Variants in WWTR1 observed in about 807,000 individuals in gnomAD.
The protein encoded by WWTR1 is WW domain containing transcription regulator 1.
WWTR1 carries 13 observed loss-of-function variants against 40.1 expected under a neutral mutation model. The observed-to-expected ratio is 0.32, with a 90% CI of 0.21 to 0.52. The LOEUF (loss-of-function observed/expected upper bound fraction) is 0.52. Ranked by LOEUF, WWTR1 falls within the 20% of genes least tolerant of loss-of-function variation. The probability of loss-of-function intolerance (pLI) is 0.97; values close to 1 mark genes in which losing one functional copy is unlikely to be tolerated. For missense variants in WWTR1, 436 were observed against 523.1 expected (o/e 0.83, Z 1.63); for synonymous variants, 230 against 210.1 (o/e 1.09, Z -0.82).
intron 2 of WWTR1, among the ~76,000 whole-genome samples, chr3:149,586,582 G>A (rs778296086): frequency 3.3e-5 from 5 of 152,172 alleles, no homozygotes; most frequent in East Asian, 1.9e-4. Context: ...CTTTGACTTC[G>A]GCTCCTGACA....
intron 2 of WWTR1, among the ~76,000 whole-genome samples, chr3:149,645,918 T>A (rs1396339584): frequency 1.3e-5 from 2 of 152,186 alleles, no homozygotes; most frequent in Non-Finnish European, 2.9e-5. Flanking sequence ...AGAAATTGGA[T>A]TTTTGTACAG....
chr3:149,554,643 G>A (rs1400786508), intron 3 of WWTR1, among the ~76,000 whole-genome samples: 1 of 151,616 alleles, frequency 6.6e-6, no homozygotes, highest in Non-Finnish European at 1.5e-5. Flanking sequence ...ATCCAGGGAA[G>A]TCTAGGGAAA....
intron 2 of WWTR1, among the ~76,000 whole-genome samples, chr3:149,644,376 A>G (rs1712364159): frequency 6.6e-6 from 1 of 152,132 alleles, no homozygotes; most frequent in African/African-American, 2.4e-5. Context: ...TCCAGTCACT[A>G]CCTGTGCTTC....
At chr3:149,623,562 T>C (rs1263880827) in intron 2 of WWTR1, among the ~76,000 whole-genome samples, 1 of 152,202 alleles carries the variant, frequency 6.6e-6, no homozygotes, top group Non-Finnish European at 1.5e-5. Flanking sequence ...TATGTTGTCT[T>C]TCTTTCTGAT....
intron 2 of WWTR1, among the ~76,000 whole-genome samples, chr3:149,590,773 T>C (rs1309480607): frequency 2.6e-5 from 4 of 152,180 alleles, no homozygotes; most frequent in Non-Finnish European, 5.9e-5. Context: ...CATGATACAA[T>C]ACTGCCTTGT....
intron 2 of WWTR1, among the ~76,000 whole-genome samples, chr3:149,651,387 C>T (rs1171202726): frequency 2.6e-5 from 4 of 152,164 alleles, no homozygotes; most frequent in African/African-American, 4.8e-5. Context: ...GAAAGAAGTT[C>T]CAGGATGACA....
intron 4 of WWTR1, among the ~76,000 whole-genome samples, chr3:149,722,368 A>C (rs544196242): frequency 6.6e-6 from 1 of 151,772 alleles, no homozygotes; most frequent in Admixed American, 6.6e-5. Flanking sequence ...TGTTTTTTTA[A>C]TGTAAGCTAT....
chr3:149,621,248 T>G (rs1348421245), intron 2 of WWTR1, among the ~76,000 whole-genome samples: 1 of 152,248 alleles, frequency 6.6e-6, no homozygotes, highest in Non-Finnish European at 1.5e-5. Flanking sequence ...TTTTCAAGTT[T>G]CTTAAATTTG....
chr3:149,686,156 T>C (rs1714637309), intron 1 of WWTR1, among the ~76,000 whole-genome samples: 1 of 152,186 alleles, frequency 6.6e-6, no homozygotes, highest in Non-Finnish European at 1.5e-5. Flanking sequence ...ACCTTTATGT[T>C]TGGCTGATGC....
chr3:149,666,352 G>A (rs1449096214), intron 2 of WWTR1, among the ~76,000 whole-genome samples: 3 of 152,166 alleles, frequency 2.0e-5, no homozygotes, highest in Non-Finnish European at 2.9e-5. Context: ...GTATAAGAAA[G>A]CCAGTGCCTG....
At chr3:149,575,191 A>T (rs1737829745) in intron 2 of WWTR1, among the ~76,000 whole-genome samples, 1 of 152,220 alleles carries the variant, frequency 6.6e-6, no homozygotes, top group Non-Finnish European at 1.5e-5. Flanking sequence ...GTTTTAGTTT[A>T]CACTTTCAGT....
chr3:149,692,288 TA>T (rs1342219568), intron 1 of WWTR1, among the ~76,000 whole-genome samples: 1 of 152,014 alleles, frequency 6.6e-6, no homozygotes, highest in African/African-American at 2.4e-5. Context: ...AACAACACAT[TA>T]AAAAATAATT....
At chr3:149,525,918 A>G in intron 6 of WWTR1, 95 bp downstream of exon 6, 1 of 702,296 alleles carries the variant, frequency 1.4e-6, no homozygotes. Context: ...TTGAAATTAT[A>G]AAAATAAAAT....
chr3:149,601,799 T>C (rs1354377210), intron 2 of WWTR1, among the ~76,000 whole-genome samples: 1 of 152,150 alleles, frequency 6.6e-6, no homozygotes, highest in Non-Finnish European at 1.5e-5. Context: ...AAATAAAACG[T>C]GCAGGTTTAA....
chr3:149,648,772 C>G (rs1307681839), intron 2 of WWTR1, among the ~76,000 whole-genome samples: 1 of 152,146 alleles, frequency 6.6e-6, no homozygotes, highest in African/African-American at 2.4e-5. Context: ...TTAGGACACA[C>G]CTTACAAAGG....
chr3:149,720,252 G>A (rs1715723508), intron 4 of WWTR1, among the ~76,000 whole-genome samples: 1 of 151,922 alleles, frequency 6.6e-6, no homozygotes. Flanking sequence ...ATAGTTTTAG[G>A]GCTTACATTT....
At chr3:149,611,076 C>A (rs982634605) in intron 2 of WWTR1, among the ~76,000 whole-genome samples, 5 of 152,042 alleles carry the variant, frequency 3.3e-5, no homozygotes, top group Non-Finnish European at 7.4e-5. Flanking sequence ...ATAGATTGAC[C>A]CCAGGAATTC....
chr3:149,603,552 C>T (rs1038118786), intron 2 of WWTR1, among the ~76,000 whole-genome samples: 4 of 147,304 alleles, frequency 2.7e-5, no homozygotes, highest in African/African-American at 7.7e-5. Flanking sequence ...GGTTCCCCAC[C>T]CCCCCCTTGT....
intron 2 of WWTR1, among the ~76,000 whole-genome samples, chr3:149,615,997 A>T (rs1341140054): frequency 6.6e-6 from 1 of 152,214 alleles, no homozygotes. Context: ...GGTCTGATGG[A>T]GGCCATCCTG....
Sources: allele counts gnomAD v4.1 joint callset (sites outside exome capture counted in the v4.1 genomes callset), GRCh38; gene constraint gnomAD v4.1.1; transcripts MANE v1.5; gene names NCBI Gene and HGNC (gene_info 2026-07-23, HGNC 2026-07-21).